Variants in TMEM201 observed in about 807,000 individuals in gnomAD.
The protein encoded by TMEM201 is RP13-15M17.2.
A neutral mutation model predicts 63.4 loss-of-function variants in TMEM201; 26 were observed. The observed-to-expected ratio is 0.41, with a 90% CI of 0.30 to 0.57. The LOEUF (loss-of-function observed/expected upper bound fraction) is 0.57, where lower values mean the gene tolerates loss of function less well. Among genes scored for constraint, TMEM201 ranks in the 20% least tolerant of loss-of-function variants. The pLI is 0.29. For synonymous variants in TMEM201, 417 were observed against 421.6 expected, an observed-to-expected ratio of 0.99 and a Z score of 0.14; for missense variants, 794 against 917.7, an observed-to-expected ratio of 0.87 and a Z score of 1.74.
rs114766999 is a variant in TMEM201 at position 9,598,178 on chromosome 1, T to G, written c.430-271T>G. Among the ~76,000 whole-genome samples the G allele has an allele frequency of 4.5e-3, 688 of 152,290 alleles. 7 individuals are homozygous for G. Among genetic ancestry groups the G allele is most frequent in the African/African-American group, 0.015 (640 of 41,560 alleles). Reference sequence around the variant, plus strand: ...AGACCCTGAGCTCCTGGCCTGCGGGTGCGTCCCTGGAGCAACAGAACCTTG... The same window carrying G: ...AGACCCTGAGCTCCTGGCCTGCGGGGGCGTCCCTGGAGCAACAGAACCTTG... On this transcript the variant is annotated intron_variant, in intron 3 of 10. Coordinates refer to ENST00000340381, the MANE Select transcript of TMEM201 (RefSeq NM_001130924.3).
chr1:9,612,506 AT>A (rs1644338704), intron 10 of TMEM201, among the ~76,000 whole-genome samples: 1 of 152,160 alleles, frequency 6.6e-6, no homozygotes, highest in Non-Finnish European at 1.5e-5. Context: ...TGGGCAGGTC[AT>A]TTTGCACTGA....
intron 1 of TMEM201, among the ~76,000 whole-genome samples, chr1:9,594,821 T>A (rs1215270241): frequency 8.5e-5 from 13 of 152,242 alleles, no homozygotes; most frequent in Admixed American, 8.5e-4. Flanking sequence ...ACTTCACAGA[T>A]GTGGACACTG....
rs1435778632 is a variant in TMEM201 at position 9,610,389 on chromosome 1, C to T, written c.1466-117C>T. 5 of 1,096,026 alleles carry T rather than the reference C, an allele frequency of 4.6e-6. No homozygotes were observed. Among genetic ancestry groups the T allele is most frequent in the Admixed American group, 5.6e-5 (2 of 35,634 alleles). The allele number at this position is 1,096,026 out of a possible 1,614,324, so 67.9% of individuals were successfully genotyped here. A position where few individuals can be genotyped will look rare whatever the true frequency, so the allele number is the denominator to read the frequency against. ...CAGGACTTCCCCCTGTCCCCAGTCTCTGCACCTTTCCTGTCTTCCCGGGTT... is the reference window on the plus strand; with the variant it reads ...CAGGACTTCCCCCTGTCCCCAGTCTTTGCACCTTTCCTGTCTTCCCGGGTT... On this transcript the variant is annotated intron_variant, in intron 8 of 10. Transcript: ENST00000340381. This position sits in a 1 kb window ranked among gnomAD's most constrained non-coding sequence, Gnocchi z 4.9.
In TMEM201 at chr1:9,610,935, G is replaced by C; in HGVS notation, c.1765+130G>C. The C allele has an allele frequency of 6.7e-7, 1 of 1,494,200 alleles. No homozygotes were observed. Among genetic ancestry groups the C allele is most frequent in the Non-Finnish European group, 9.0e-7 (1 of 1,116,408 alleles). The allele number at this position is 1,494,200 out of a possible 1,614,324, so 92.6% of individuals were successfully genotyped here. ...GCGCCTTCCCACCCTGGAGCTCTAG[G>C]CACCCCATTCCGGCTCTGGTGACTT... On this transcript the variant is annotated intron_variant, in intron 9 of 10. Transcript: ENST00000340381. This position sits in a 1 kb window ranked among gnomAD's most constrained non-coding sequence, Gnocchi z 4.9.
At position 9,607,855 on chromosome 1, in the gene TMEM201, G is replaced by A; in HGVS notation, c.1393+66G>A. On this transcript the variant is annotated intron_variant, in intron 7 of 10. Coordinates refer to ENST00000340381, the MANE Select transcript of TMEM201 (RefSeq NM_001130924.3). This position sits in a 1 kb window ranked among gnomAD's most constrained non-coding sequence, Gnocchi z 5.4. ...GGCAGCTGGGACAGAACTGTGGATG[G>A]GTACATAGTGTAGGGAGGGCCGGGA... 5 of 1,431,902 alleles carry A rather than the reference G, an allele frequency of 3.5e-6. No individual in the cohort carries two copies. Among genetic ancestry groups the A allele is most frequent in the Non-Finnish European group, 3.8e-6 (4 of 1,050,968 alleles). The allele number at this position is 1,431,902 out of a possible 1,614,324, so 88.7% of individuals were successfully genotyped here.
At position 9,613,508 on chromosome 1, in the gene TMEM201, CCT is replaced by C. The variant is rs1026880118; in HGVS notation, c.*426_*427del. On this transcript the variant is annotated 3_prime_UTR_variant, in exon 11 of 11. Coordinates refer to ENST00000340381, the MANE Select transcript of TMEM201 (RefSeq NM_001130924.3). The stretch of plus-strand genomic sequence containing the variant: ...TAGTCACATCTTTGTACTGTACTCC[CCT>C]GTCTCACCTGGGGCAACCTCAGAGC... The C allele has an allele frequency of 1.0e-4, 19 of 183,778 alleles. No homozygotes were observed. Among genetic ancestry groups the C allele is most frequent in the African/African-American group, 2.8e-4 (12 of 42,798 alleles). 11.4% of individuals were successfully genotyped at this position (183,778 alleles called of 1,614,324 possible). A position where few individuals can be genotyped will look rare whatever the true frequency, so the allele number is the denominator to read the frequency against.
rs550809106 is a variant in TMEM201, at chr1:9,604,324, C to T, written c.1160+2052C>T. 4,329 of 985,432 alleles carry T rather than the reference C, an allele frequency of 4.4e-3. 7 individuals carry two copies. Among genetic ancestry groups the T allele is most frequent in the Non-Finnish European group, 4.9e-3 (4,099 of 829,936 alleles). 61.0% of individuals were successfully genotyped at this position (985,432 alleles called of 1,614,324 possible). On this transcript the variant is annotated intron_variant, in intron 6 of 10. Coordinates refer to ENST00000340381, the MANE Select transcript of TMEM201 (RefSeq NM_001130924.3). The surrounding 1 kb of genome is among the most constrained non-coding windows in gnomAD (Gnocchi z 4.1). ...AGCTGATGTCGCTCCTGCCCTCTGC[C>T]GGGGTCCGGAAGCGACATCTCAGGA... is the stretch of plus-strand genomic sequence containing the variant.
chr1:9,611,153 C>A, intron 9 of TMEM201: 4 of 945,946 alleles, frequency 4.2e-6, no homozygotes, highest in South Asian at 1.5e-5. Flanking sequence ...AGCCCCCAGC[C>A]TTTAAAACCT....
At position 9,605,205 on chromosome 1, in the gene TMEM201, G is replaced by T. The variant is rs952127963; in HGVS notation, c.1161-2352G>T. On this transcript the variant is annotated intron_variant, in intron 6 of 10. Coordinates refer to ENST00000340381, the MANE Select transcript of TMEM201 (RefSeq NM_001130924.3). The surrounding 1 kb of genome is among the most constrained non-coding windows in gnomAD (Gnocchi z 5.7). ...TCCTTCCACTCCTGATGTGGGCTGG[G>T]ATTGGGTCGGAGAAGACCAGACATC... Among the ~76,000 whole-genome samples, 1 of 152,224 alleles carries T rather than the reference G, an allele frequency of 6.6e-6. No individual in the cohort carries two copies. Among genetic ancestry groups the T allele is most frequent in the Non-Finnish European group, 1.5e-5 (1 of 68,036 alleles).
intron 1 of TMEM201, among the ~76,000 whole-genome samples, chr1:9,591,818 C>CGCCGCACCCCGGGCAT (rs1293542023): frequency 4.6e-5 from 7 of 152,244 alleles, no homozygotes; most frequent in Non-Finnish European, 7.3e-5. Flanking sequence ...CCTGAGCAAC[C>CGCCGCACCCCGGGCAT]GCCGCACCCC....
In TMEM201 at chr1:9,604,315, G is replaced by A. The variant is rs1001574527; in HGVS notation, c.1160+2043G>A. On this transcript the variant is annotated intron_variant, in intron 6 of 10. Coordinates refer to ENST00000340381, the MANE Select transcript of TMEM201 (RefSeq NM_001130924.3). This position sits in a 1 kb window ranked among gnomAD's most constrained non-coding sequence, Gnocchi z 4.1. ...CTCCTGCCGAGCTGATGTCGCTCCT[G>A]CCCTCTGCCGGGGTCCGGAAGCGAC... is the stretch of plus-strand genomic sequence containing the variant. 1 of 985,440 alleles carries A rather than the reference G, an allele frequency of 1.0e-6. No individual in the cohort carries two copies. Among genetic ancestry groups the A allele is most frequent in the African/African-American group, 1.7e-5 (1 of 57,364 alleles). The allele number at this position is 985,440 out of a possible 1,614,324, so 61.0% of individuals were successfully genotyped here. A position where few individuals can be genotyped will look rare whatever the true frequency, so the allele number is the denominator to read the frequency against.
Position 9,598,540 on chromosome 1 carries a change from A to T in TMEM201, c.521A>T (p.Tyr174Phe), listed in dbSNP as rs1241108389. ...CRPCQAAVEY[Y>F]IKHQNRQLRA... The stretch of plus-strand genomic sequence containing the variant: ...CCGTGCCAAGCGGCTGTGGAGTACT[A>T]CATCAAGCACCAGAACCGCCAGCTG... The change falls in exon 4 of 11, where the codon TAC (tyrosine) becomes TTC (phenylalanine). Residue 174 changes from tyrosine (Y) to phenylalanine (F), a missense_variant. By Grantham distance (22) the Tyr-to-Phe change is conservative. Coordinates refer to ENST00000340381, the MANE Select transcript of TMEM201 (RefSeq NM_001130924.3). 1 of 1,613,826 alleles carries T rather than the reference A, an allele frequency of 6.2e-7. No homozygotes were observed. The highest frequency in any genetic ancestry group is 1.7e-5 in the Admixed American group (1 of 60,012).
rs530723786 is a variant in TMEM201, at chr1:9,602,812, T to A, written c.1160+540T>A. 21 of 988,156 alleles carry A rather than the reference T, an allele frequency of 2.1e-5. No homozygotes were observed. In the African/African-American group the frequency reaches 3.7e-4, roughly 17 times the overall value. 61.2% of individuals were successfully genotyped at this position (988,156 alleles called of 1,614,324 possible). A position where few individuals can be genotyped will look rare whatever the true frequency, so the allele number is the denominator to read the frequency against. The stretch of plus-strand genomic sequence containing the variant: ...CCCAGCCTCACCCCTGAGGAGCACC[T>A]GTGGTCTGTCCCCTTGGTCCTGCTT... On this transcript the variant is annotated intron_variant, in intron 6 of 10. Transcript: ENST00000340381.
intron 6 of TMEM201, chr1:9,602,630 C>A: frequency 8.4e-7 from 1 of 1,195,808 alleles, no homozygotes; most frequent in Non-Finnish European, 1.1e-6. Flanking sequence ...ACCCCCCTCT[C>A]ACCACGCCGT....
chr1:9,592,806 G>A (rs1643944117), intron 1 of TMEM201, among the ~76,000 whole-genome samples: 1 of 152,204 alleles, frequency 6.6e-6, no homozygotes, highest in Admixed American at 6.5e-5. Flanking sequence ...AGGCTTCCCA[G>A]GGGCTCGGCA....
In TMEM201 at chr1:9,610,899, G is replaced by T. The variant is rs1217160065; in HGVS notation, c.1765+94G>T. The T allele has an allele frequency of 3.5e-5, 52 of 1,492,264 alleles. No individual in the cohort carries two copies. Among genetic ancestry groups the T allele is most frequent in the Non-Finnish European group, 4.6e-5 (51 of 1,116,724 alleles). The allele number at this position is 1,492,264 out of a possible 1,614,324, so 92.4% of individuals were successfully genotyped here. A position where few individuals can be genotyped will look rare whatever the true frequency, so the allele number is the denominator to read the frequency against. On this transcript the variant is annotated intron_variant, in intron 9 of 10. Transcript: ENST00000340381. The surrounding 1 kb of genome is among the most constrained non-coding windows in gnomAD (Gnocchi z 4.9). ...CGGTGGGGGGGCTCATCCTTGCTCT[G>T]ACTCCGGTGTGCGCCTTCCCACCCT...
In TMEM201 at chr1:9,601,308, C is replaced by T; in HGVS notation, c.810C>T (p.Gly270=). ...PDNGTTPGAE[G]WRQLLGLLPE... ...ATGGCACCACCCCTGGGGCCGAGGG[C>T]TGGCGGCAGTTGCTGGGCCTACTCC... Residue 270 remains glycine (G), a synonymous_variant, in exon 5 of 11, where the codon GGC becomes GGT. Coordinates refer to ENST00000340381, the MANE Select transcript of TMEM201 (RefSeq NM_001130924.3). 3 of 1,609,862 alleles carry T rather than the reference C, an allele frequency of 1.9e-6. No homozygotes were observed. The highest frequency in any genetic ancestry group is 2.5e-6 in the Non-Finnish European group (3 of 1,179,868).
rs1644184256 is a variant in TMEM201 at position 9,603,426 on chromosome 1, G to A, written c.1160+1154G>A. 2.0e-6 allele frequency: 2 copies of A among 985,394 alleles called. No individual in the cohort carries two copies. Among genetic ancestry groups the A allele is most frequent in the Non-Finnish European group, 2.4e-6 (2 of 830,010 alleles). The allele number at this position is 985,394 out of a possible 1,614,324, so 61.0% of individuals were successfully genotyped here. A position where few individuals can be genotyped will look rare whatever the true frequency, so the allele number is the denominator to read the frequency against. ...CCCGGCCTGGGGGCTTTATCCAGGG[G>A]TCCCAGTCGAGAGTGGCCCGAGGCC... On this transcript the variant is annotated intron_variant, in intron 6 of 10. Coordinates refer to ENST00000340381, the MANE Select transcript of TMEM201 (RefSeq NM_001130924.3). The surrounding 1 kb of genome is among the most constrained non-coding windows in gnomAD (Gnocchi z 4.5).
rs896931377 is a variant in TMEM201 at position 9,607,051 on chromosome 1, C to T, written c.1161-506C>T. Among the ~76,000 whole-genome samples the T allele has an allele frequency of 2.0e-5, 3 of 152,134 alleles. No individual in the cohort carries two copies. The highest frequency in any genetic ancestry group is 2.9e-5 in the Non-Finnish European group (2 of 68,006). ...GAATCACACCTGGGAACAGAGGGTG[C>T]CCAGAGCCGTGCTGGGGCCTGACTT... On this transcript the variant is annotated intron_variant, in intron 6 of 10. Coordinates refer to ENST00000340381, the MANE Select transcript of TMEM201 (RefSeq NM_001130924.3). The surrounding 1 kb of genome is among the most constrained non-coding windows in gnomAD (Gnocchi z 5.4).
Sources: gnomAD v4.1 joint callset for allele counts (sites outside exome capture counted in the v4.1 genomes callset) on GRCh38, gnomAD v4.1.1 for gene constraint, Gnocchi (gnomAD v3.1) non-coding constraint, MANE v1.5 for transcripts, NCBI Gene and HGNC (gene_info 2026-07-23, HGNC 2026-07-21) for gene names.